SLC25A48: variants seen among roughly 807,000 people sequenced by gnomAD.
SLC25A48 encodes the protein CTC-321K16.1.
A neutral mutation model predicts 32.2 loss-of-function variants in SLC25A48; 29 were observed. The ratio of observed to expected loss-of-function variants is 0.90; its 90% confidence interval spans 0.67 to 1.23. The LOEUF (loss-of-function observed/expected upper bound fraction) is 1.23, where lower values mean the gene tolerates loss of function less well. SLC25A48 is among the 50% of genes most tolerant of loss of function. The pLI is 0.00. For synonymous variants in SLC25A48, 164 were observed against 172.3 expected (o/e 0.95, Z 0.38); for missense variants, 399 against 422.7 (o/e 0.94, Z 0.49).
chr5:135,801,054 A>G (rs935670616), intron 3 of SLC25A48, among the ~76,000 whole-genome samples: 1 of 151,386 alleles, frequency 6.6e-6, no homozygotes, highest in Non-Finnish European at 1.5e-5. Context: ...CGGGAAGAGG[A>G]CGATATTACT....
chr5:135,587,787 C>T (rs148233988), intron 1 of SLC25A48, among the ~76,000 whole-genome samples: 149 of 152,332 alleles, frequency 9.8e-4, no homozygotes, highest in Non-Finnish European at 1.9e-3. Context: ...TTGTCATAAA[C>T]AGCTCCCCAG....
In SLC25A48 at chr5:135,627,084, T is replaced by C. The variant is rs1192351777; in HGVS notation, c.-848-2153T>C. On this transcript the variant is annotated intron_variant, in intron 1 of 10. Transcript: ENST00000646290. ...TCACGCAGAGGGAGGGAGGTGCTTA[T>C]TGTGGGAGAAATGAAAGAAGAGTAT... Among the ~76,000 whole-genome samples, 8 of 152,230 alleles carry C rather than the reference T, an allele frequency of 5.3e-5. 1 individual carries two copies. The highest frequency in any genetic ancestry group is 5.2e-4 in the Admixed American group (8 of 15,286).
chr5:135,735,505 G>C (rs1755339058), intron 3 of SLC25A48, among the ~76,000 whole-genome samples: 1 of 152,184 alleles, frequency 6.6e-6, no homozygotes, highest in Non-Finnish European at 1.5e-5. Context: ...ACCTTGGGTA[G>C]TTTCTTTAAG....
chr5:135,824,941 G>A (rs1757992333), intron 4 of SLC25A48: 1 of 152,336 alleles, frequency 6.6e-6, no homozygotes, highest in Non-Finnish European at 1.5e-5. Flanking sequence ...GGCTGCTGCG[G>A]CCCTTGGAGC....
chr5:135,752,787 T>C (rs1182986215), intron 3 of SLC25A48, among the ~76,000 whole-genome samples: 1 of 152,098 alleles, frequency 6.6e-6, no homozygotes, highest in Non-Finnish European at 1.5e-5. Flanking sequence ...TGTCACTGGG[T>C]GTAAACACAT....
chr5:135,834,999 C>A lies in SLC25A48; in HGVS notation c.46+106C>A, dbSNP rs1432376632. ...CTCTGTGCGCTGCCATCCCGCTCCC[C>A]GTTGTGCGCGCAGCCTGCTTTGGGG... On this transcript the variant is annotated intron_variant, in intron 1 of 7. Transcript: ENST00000681962. 6.4e-5 allele frequency: 87 copies of A among 1,356,148 alleles called. No homozygotes were observed. The East Asian group carries it at 2.1e-3, about 33-fold the overall frequency. 84.0% of individuals were successfully genotyped at this position (1,356,148 alleles called of 1,614,324 possible).
At chr5:135,865,734 A>G (rs1761145538) in intron 4 of SLC25A48, among the ~76,000 whole-genome samples, 1 of 152,198 alleles carries the variant, frequency 6.6e-6, no homozygotes, top group Non-Finnish European at 1.5e-5. Flanking sequence ...GAGGCAAGCC[A>G]TACTAGGGGG....
At chr5:135,777,524 G>T (rs1437127344) in intron 3 of SLC25A48, among the ~76,000 whole-genome samples, 1 of 151,054 alleles carries the variant, frequency 6.6e-6, no homozygotes, top group Admixed American at 6.6e-5. Context: ...TATCACAGAA[G>T]GTATACACAC....
intron 3 of SLC25A48, among the ~76,000 whole-genome samples, chr5:135,691,835 A>G (rs748332): frequency 0.79 from 119,852 of 152,034 alleles, 47,684 homozygotes; most frequent in Middle Eastern, 0.88. Flanking sequence ...TGAGCATGGG[A>G]CACGGACTCT....
intron 1 of SLC25A48, among the ~76,000 whole-genome samples, chr5:135,592,620 A>C (rs1450501808): frequency 7.9e-5 from 12 of 152,140 alleles, no homozygotes; most frequent in Non-Finnish European, 1.0e-4. Flanking sequence ...AGAGGAAGGC[A>C]AGTCAGGAAT....
chr5:135,650,805 G>T (rs1227303550), intron 3 of SLC25A48, among the ~76,000 whole-genome samples: 4 of 152,032 alleles, frequency 2.6e-5, no homozygotes, highest in African/African-American at 9.7e-5. Context: ...TGTGGTGGGT[G>T]GAATGGGGGG....
chr5:135,634,060 C>T (rs1261091965), intron 2 of SLC25A48, among the ~76,000 whole-genome samples: 1 of 152,184 alleles, frequency 6.6e-6, no homozygotes, highest in Non-Finnish European at 1.5e-5. Flanking sequence ...TGTTGCTGTG[C>T]TATGGGGGTA....
intron 1 of SLC25A48, among the ~76,000 whole-genome samples, chr5:135,582,867 C>T (rs1371080174): frequency 1.3e-5 from 2 of 152,190 alleles, no homozygotes; most frequent in African/African-American, 4.8e-5. Context: ...CAGTTCTAAT[C>T]CCACGAGCAT....
chr5:135,697,449 A>T (rs569467431), intron 3 of SLC25A48, among the ~76,000 whole-genome samples: 1 of 152,358 alleles, frequency 6.6e-6, no homozygotes, highest in South Asian at 2.1e-4. Flanking sequence ...TCTGAGAGCC[A>T]TGCTGGCTGC....
At chr5:135,861,231 G>A (rs780020016) in intron 4 of SLC25A48, among the ~76,000 whole-genome samples, 22 of 151,876 alleles carry the variant, frequency 1.4e-4, no homozygotes, top group Non-Finnish European at 2.4e-4. Flanking sequence ...CACTAACCAT[G>A]TTATTAAAAT....
intron 3 of SLC25A48, among the ~76,000 whole-genome samples, chr5:135,685,244 T>C (rs1448716061): frequency 6.6e-6 from 1 of 151,644 alleles, no homozygotes; most frequent in Non-Finnish European, 1.5e-5. Flanking sequence ...TGTCCACTTA[T>C]CTTTTAGGTT....
At chr5:135,605,094 G>T (rs1411916858) in intron 1 of SLC25A48, among the ~76,000 whole-genome samples, 1 of 152,134 alleles carries the variant, frequency 6.6e-6, no homozygotes, top group Non-Finnish European at 1.5e-5. Flanking sequence ...TACACATTAT[G>T]CTTCTAATTT....
intron 1 of SLC25A48, among the ~76,000 whole-genome samples, chr5:135,616,207 G>C (rs940847560): frequency 6.6e-6 from 1 of 152,178 alleles, no homozygotes; most frequent in South Asian, 2.1e-4. Flanking sequence ...AGTTTCCATT[G>C]GGGGACTACC....
rs541702628 is a variant in SLC25A48, at chr5:135,736,145, C to CT, written c.-520-76377dup. ...GACTCAGCGACACTTGGGGTTGGGA[C>CT]TGAGGGGACAGGCAGGAGGGAAAGA... On this transcript the variant is annotated intron_variant, in intron 3 of 10. Coordinates refer to the SLC25A48 transcript ENST00000646290. 2.0e-3 allele frequency among the ~76,000 whole-genome samples: 300 copies of CT among 152,034 alleles called. 1 individual carries two copies. The highest frequency in any genetic ancestry group is 6.7e-3 in the African/African-American group (279 of 41,464).
Sources: gnomAD v4.1 joint callset for allele counts (sites outside exome capture counted in the v4.1 genomes callset) on GRCh38, gnomAD v4.1.1 for gene constraint, MANE v1.5 for transcripts, NCBI Gene and HGNC (gene_info 2026-07-23, HGNC 2026-07-21) for gene names.